LMBR1: variants seen among roughly 807,000 people sequenced by gnomAD.
LMBR1 encodes the protein limb development membrane protein 1, also known as limb region 1 protein homolog.
Under a neutral mutation model 73.9 loss-of-function variants are expected in LMBR1, and 52 were observed. The ratio of observed to expected loss-of-function variants is 0.70; its 90% CI spans 0.56 to 0.89. The LOEUF (loss-of-function observed/expected upper bound fraction) is 0.89. LMBR1 is among the 40% of genes least tolerant of loss of function. LMBR1 has a pLI of 0.00. For missense variants in LMBR1, 539 were observed against 579.8 expected, an observed-to-expected ratio of 0.93 and a Z score of 0.72; for synonymous variants, 215 against 209.4, an observed-to-expected ratio of 1.03 and a Z score of -0.23.
At chr7:156,890,280 A>T (rs886965705) in intron 1 of LMBR1, among the ~76,000 whole-genome samples, 6 of 152,212 alleles carry the variant, frequency 3.9e-5, no homozygotes, top group African/African-American at 1.4e-4. Flanking sequence ...TAGAGTAAGG[A>T]GAGATTTCTT....
chr7:156,784,394 T>C (rs1007400225), intron 5 of LMBR1, among the ~76,000 whole-genome samples: 6 of 152,136 alleles, frequency 3.9e-5, no homozygotes, highest in African/African-American at 1.2e-4. Context: ...CAGGACTAAT[T>C]CTGGGAGCTG....
At chr7:156,705,284 A>G (rs1320654510) in intron 15 of LMBR1, among the ~76,000 whole-genome samples, 1 of 152,244 alleles carries the variant, frequency 6.6e-6, no homozygotes, top group African/African-American at 2.4e-5. Context: ...GCCCCTGGGC[A>G]TAGTGGCTTA....
Position 156,758,674 on chromosome 7 carries a change from G to A in LMBR1, c.685-2209C>T, listed in dbSNP as rs187445681. On this transcript the variant is annotated intron_variant, in intron 8 of 16. Transcript: ENST00000353442. ...CACAAATGCTCCTCGTTTGCCTCTC[G>A]CCATGACTGGAAACTTCCTGAAGCA... Among the ~76,000 whole-genome samples the A allele has an allele frequency of 1.5e-3, 229 of 152,186 alleles. 1 individual carries two copies. Among genetic ancestry groups the A allele is most frequent in the Middle Eastern group, 0.014 (4 of 294 alleles).
intron 10 of LMBR1, among the ~76,000 whole-genome samples, chr7:156,729,297 T>C (rs1347951799): frequency 2.0e-5 from 3 of 152,116 alleles, no homozygotes; most frequent in African/African-American, 4.8e-5. Flanking sequence ...AGGCCTTCTA[T>C]AGCCACAGGT....
intron 8 of LMBR1, among the ~76,000 whole-genome samples, chr7:156,761,257 G>C (rs961850812): frequency 2.4e-4 from 36 of 152,166 alleles, no homozygotes; most frequent in African/African-American, 8.2e-4. Flanking sequence ...ATGAAAATAA[G>C]TGACAGATTT....
rs114512965 is a variant in LMBR1 at position 156,754,177 on chromosome 7, G to A, written c.757+2216C>T. 3.8e-3 allele frequency among the ~76,000 whole-genome samples: 575 copies of A among 152,232 alleles called. 3 individuals are homozygous for A. The highest frequency in any genetic ancestry group is 0.013 in the African/African-American group (527 of 41,542). On this transcript the variant is annotated intron_variant, in intron 9 of 16. Transcript: ENST00000353442. ...TTGCTTTACTTTATTAACATTCCAT[G>A]AAACAATATTAACAAGAACAAAACC...
chr7:156,793,975 T>C (rs1438062779), intron 5 of LMBR1, among the ~76,000 whole-genome samples: 1 of 152,208 alleles, frequency 6.6e-6, no homozygotes, highest in Non-Finnish European at 1.5e-5. Context: ...CGCTGGCCTC[T>C]TTCCCTACCT....
chr7:156,852,942 C>CTT (rs879843032), intron 1 of LMBR1, among the ~76,000 whole-genome samples: 2 of 144,008 alleles, frequency 1.4e-5, no homozygotes, highest in Admixed American at 7.0e-5. Context: ...ACAAATAATG[C>CTT]TTTTTTTTTT....
intron 15 of LMBR1, among the ~76,000 whole-genome samples, chr7:156,709,237 C>T (rs1257459840): frequency 6.6e-6 from 1 of 152,212 alleles, no homozygotes; most frequent in African/African-American, 2.4e-5. Flanking sequence ...TGAGGCCAAC[C>T]AACTGGCCAA....
At chr7:156,737,464 A>G (rs1818090805) in intron 9 of LMBR1, among the ~76,000 whole-genome samples, 1 of 152,016 alleles carries the variant, frequency 6.6e-6, no homozygotes. Flanking sequence ...CTCCAAATTC[A>G]TGTCCTTTAG....
At position 156,842,394 on chromosome 7, in the gene LMBR1, G is replaced by A. The variant is rs907660133; in HGVS notation, c.67-5509C>T. Among the ~76,000 whole-genome samples the A allele has an allele frequency of 1.9e-4, 26 of 140,530 alleles. 1 individual carries two copies. The East Asian group carries it at 5.4e-3, about 29-fold the overall frequency. 92.2% of individuals were successfully genotyped at this position (140,530 alleles called of 152,430 possible). The stretch of plus-strand genomic sequence containing the variant: ...ACAAAGACAGTTATTTAATTAAGAT[G>A]TGCGTTATATTATTTTTTACTTTTT... On this transcript the variant is annotated intron_variant, in intron 1 of 16. Transcript: ENST00000353442.
downstream of LMBR1, chr7:156,676,866 A>G (rs1472553822): frequency 5.5e-6 from 3 of 550,050 alleles, no homozygotes; most frequent in East Asian, 9.2e-5. Flanking sequence ...TTTCAAATTT[A>G]TGAGTTTAAT....
intron 4 of LMBR1, among the ~76,000 whole-genome samples, chr7:156,671,777 T>C (rs1240401715): frequency 1.3e-5 from 2 of 151,068 alleles, no homozygotes; most frequent in East Asian, 3.9e-4. Context: ...TCCACGTACT[T>C]GAAGAAACTT....
At chr7:156,716,676 C>A (rs1322067564) in intron 15 of LMBR1, among the ~76,000 whole-genome samples, 1 of 152,178 alleles carries the variant, frequency 6.6e-6, no homozygotes, top group Non-Finnish European at 1.5e-5. Flanking sequence ...CTTTCTCTAT[C>A]CTTCTCAAAT....
intron 15 of LMBR1, among the ~76,000 whole-genome samples, chr7:156,689,071 GTATTTTT>G (rs1311456456): frequency 1.3e-5 from 2 of 151,992 alleles, no homozygotes; most frequent in African/African-American, 4.8e-5. Flanking sequence ...ATTTGTAAAA[GTATTTTT>G]ACTTAAAAAT....
chr7:156,686,169 T>TA (rs1222517911), intron 16 of LMBR1, among the ~76,000 whole-genome samples: 1 of 152,168 alleles, frequency 6.6e-6, no homozygotes, highest in African/African-American at 2.4e-5. Flanking sequence ...TTAGGATCGA[T>TA]TATCTGAGTT....
chr7:156,833,391 C>A (rs899422191), intron 3 of LMBR1: 8 of 208,172 alleles, frequency 3.8e-5, no homozygotes, highest in Non-Finnish European at 7.6e-5. Context: ...TCACAGCAGG[C>A]AGGTTCAGCT....
chr7:156,855,138 T>C (rs1164841984), intron 1 of LMBR1, among the ~76,000 whole-genome samples: 3 of 152,192 alleles, frequency 2.0e-5, no homozygotes, highest in Non-Finnish European at 1.5e-5. Flanking sequence ...CTGAATTTAA[T>C]TATTAATATG....
chr7:156,718,981 G>T (rs1275640795), intron 15 of LMBR1, among the ~76,000 whole-genome samples: 2 of 151,936 alleles, frequency 1.3e-5, no homozygotes, highest in South Asian at 4.1e-4. Context: ...TCTGGGCAAT[G>T]ATTTTTTTAT....
Sources: allele counts gnomAD v4.1 joint callset (sites outside exome capture counted in the v4.1 genomes callset), GRCh38; gene constraint gnomAD v4.1.1; transcripts MANE v1.5; gene names NCBI Gene and HGNC (gene_info 2026-07-23, HGNC 2026-07-21).